The following LEPR variants were observed in gnomAD, a reference collection of about 807,000 sequenced individuals.
The protein encoded by LEPR is OB receptor.
Under a neutral mutation model 114.7 loss-of-function variants are expected in LEPR, and 56 were observed. The ratio of observed to expected loss-of-function variants is 0.49; its 90% CI spans 0.39 to 0.61. LEPR has a LOEUF of 0.61. LEPR is among the 20% of genes least tolerant of loss of function. The probability of loss-of-function intolerance (pLI) is 0.00; values close to 1 mark genes in which losing one functional copy is unlikely to be tolerated. For missense variants in LEPR, 1,202 were observed against 1,352.9 expected (o/e 0.89, Z 1.75); for synonymous variants, 443 against 461.4 (o/e 0.96, Z 0.51).
At chr1:65,573,880 T>C (rs930270492) in intron 5 of LEPR, among the ~76,000 whole-genome samples, 1 of 152,246 alleles carries the variant, frequency 6.6e-6, no homozygotes, top group Non-Finnish European at 1.5e-5. Flanking sequence ...GTCATTGCAC[T>C]GTACACTTAA....
At chr1:65,488,096 CTTCT>C (rs1159079494) in intron 2 of LEPR, among the ~76,000 whole-genome samples, 6 of 112,790 alleles carry the variant, frequency 5.3e-5, no homozygotes, top group African/African-American at 1.1e-4. Context: ...CCTTTCTTTC[CTTCT>C]TTCTTTCTCT....
At chr1:65,526,942 C>T (rs1751492) in intron 2 of LEPR, among the ~76,000 whole-genome samples, 104,817 of 152,038 alleles carry the variant, frequency 0.69, 37,074 homozygotes, top group Middle Eastern at 0.87. Context: ...TAGGATTTTC[C>T]CACCAAAAGG....
chr1:65,603,139 G>T (rs1181779821), intron 10 of LEPR, among the ~76,000 whole-genome samples: 1 of 152,118 alleles, frequency 6.6e-6, no homozygotes, highest in African/African-American at 2.4e-5. Flanking sequence ...CAGTGTTTCT[G>T]CGAGAGTTAA....
At chr1:65,554,152 G>C (rs563437917) in intron 2 of LEPR, among the ~76,000 whole-genome samples, 1 of 152,298 alleles carries the variant, frequency 6.6e-6, no homozygotes, top group South Asian at 2.1e-4. Flanking sequence ...GACCCCTGCT[G>C]GGAGGTGTCT....
chr1:65,520,024 C>A (rs768364379), intron 2 of LEPR, among the ~76,000 whole-genome samples: 1 of 151,844 alleles, frequency 6.6e-6, no homozygotes, highest in South Asian at 2.1e-4. Context: ...CCACCACGCC[C>A]GGCTAATTTT....
At chr1:65,567,202 A>G (rs1653827718) in intron 3 of LEPR, among the ~76,000 whole-genome samples, 1 of 152,228 alleles carries the variant, frequency 6.6e-6, no homozygotes, top group Non-Finnish European at 1.5e-5. Flanking sequence ...TGTGGATAAA[A>G]TAGACTCATC....
In LEPR at chr1:65,540,360, G is replaced by A. The variant is rs549695253; in HGVS notation, c.-20-25186G>A. ...TCTCCAGTGTTGGTGGTGGGGCCTG[G>A]TGGGAGATATTTGGGTCATGGGGTG... On this transcript the variant is annotated intron_variant, in intron 2 of 19. Transcript: ENST00000349533. Among the ~76,000 whole-genome samples the A allele has an allele frequency of 2.6e-5, 4 of 152,294 alleles. No individual in the cohort carries two copies. In the South Asian group the frequency reaches 8.3e-4, roughly 32 times the overall value.
intron 17 of LEPR, among the ~76,000 whole-genome samples, chr1:65,620,513 A>C (rs1160119402): frequency 6.6e-6 from 1 of 152,194 alleles, no homozygotes; most frequent in East Asian, 1.9e-4. Context: ...ATGGGCAAAA[A>C]ATAATTATAT....
chr1:65,435,366 CTTTTTTTTTTT>C (rs60757318), intron 2 of LEPR: 1 of 628,804 alleles, frequency 1.6e-6, no homozygotes, highest in African/African-American at 2.6e-5. Flanking sequence ...CTTTTCTTTT[CTTTTTTTTTTT>C]TTTTTTTTGA....
rs992021102 is a variant in LEPR at position 65,561,617 on chromosome 1, C to G, written c.-20-3929C>G. Reference sequence around the variant, plus strand: ...TAGCTTTTGAATGTGTTTGCTCTTGCTTTTCTAGTTCTTTTAATTGTGATG... The same window carrying G: ...TAGCTTTTGAATGTGTTTGCTCTTGGTTTTCTAGTTCTTTTAATTGTGATG... On this transcript the variant is annotated intron_variant, in intron 2 of 19. Transcript: ENST00000349533. Among the ~76,000 whole-genome samples the G allele has an allele frequency of 3.7e-4, 19 of 51,270 alleles. 8 individuals carry two copies. Among genetic ancestry groups the G allele is most frequent in the Non-Finnish European group, 7.4e-4 (19 of 25,766 alleles). The allele number at this position is 51,270 out of a possible 152,430, so 33.6% of individuals were successfully genotyped here. A position where few individuals can be genotyped will look rare whatever the true frequency, so the allele number is the denominator to read the frequency against.
chr1:65,608,456 A>T (rs1038613480), intron 11 of LEPR, among the ~76,000 whole-genome samples: 1 of 151,986 alleles, frequency 6.6e-6, no homozygotes, highest in African/African-American at 2.4e-5. Context: ...TCGGCATGTT[A>T]TCTTTTGCTT....
chr1:65,547,234 G>T (rs1452044794), intron 2 of LEPR, among the ~76,000 whole-genome samples: 15 of 152,174 alleles, frequency 9.9e-5, no homozygotes, highest in East Asian at 9.6e-4. Flanking sequence ...GATTTTTGCA[G>T]CAATGTTCTT....
chr1:65,544,183 A>G (rs1268448077), intron 2 of LEPR, among the ~76,000 whole-genome samples: 1 of 150,864 alleles, frequency 6.6e-6, no homozygotes, highest in East Asian at 1.9e-4. Context: ...GTCATTAGGT[A>G]TTTTATTCTC....
intron 16 of LEPR, 37 bp from the exon 17 acceptor site, chr1:65,619,887 AATTT>A (rs1433722738): frequency 2.1e-6 from 3 of 1,446,086 alleles, no homozygotes; most frequent in African/African-American, 1.4e-5. Context: ...CATTACTATT[AATTT>A]TGTATAAATG....
chr1:65,453,628 C>T (rs568906972), intron 2 of LEPR, among the ~76,000 whole-genome samples: 1 of 152,294 alleles, frequency 6.6e-6, no homozygotes, highest in Admixed American at 6.5e-5. Flanking sequence ...AGTTTGACTG[C>T]ACTGTGGTCT....
At chr1:65,602,025 A>G (rs964328701) in intron 10 of LEPR, 65 bp downstream of exon 10, 7 of 1,298,090 alleles carry the variant, frequency 5.4e-6, no homozygotes, top group Non-Finnish European at 3.4e-6. Context: ...TTCTTTAGAA[A>G]TATTACAACA....
chr1:65,603,597 C>G (rs1557690190), intron 10 of LEPR, among the ~76,000 whole-genome samples: 1 of 152,118 alleles, frequency 6.6e-6, no homozygotes, highest in Non-Finnish European at 1.5e-5. Flanking sequence ...TTTGTCCAAC[C>G]CATGGCCTGG....
intron 19 of LEPR, among the ~76,000 whole-genome samples, chr1:65,628,188 A>G (rs985843915): frequency 9.2e-5 from 14 of 152,158 alleles, no homozygotes; most frequent in Admixed American, 5.9e-4. Context: ...AATTTTGCCA[A>G]TATAATTTCC....
chr1:65,565,512 G>C, intron 2 of LEPR, 34 bp from the exon 3 acceptor site: 1 of 1,607,536 alleles, frequency 6.2e-7, no homozygotes, highest in Non-Finnish European at 8.5e-7. Flanking sequence ...TTTTGTTTTT[G>C]TGTGTGTTCT....
Sources: allele counts gnomAD v4.1 joint callset (sites outside exome capture counted in the v4.1 genomes callset), GRCh38; gene constraint gnomAD v4.1.1; transcripts MANE v1.5; gene names NCBI Gene and HGNC (gene_info 2026-07-23, HGNC 2026-07-21).